Variants in MPPED2 observed in about 807,000 individuals in gnomAD.
The protein encoded by MPPED2 is metallophosphoesterase MPPED2.
In MPPED2, 5 loss-of-function variants were observed where a neutral mutation model predicts 33.0. The ratio of observed to expected loss-of-function variants is 0.15; its 90% CI spans 0.08 to 0.32. The LOEUF is 0.32. Among genes scored for constraint, MPPED2 ranks in the 10% least tolerant of loss-of-function variants. The probability of loss-of-function intolerance (pLI) is 1.00; values close to 1 mark genes in which losing one functional copy is unlikely to be tolerated. For synonymous variants in MPPED2, 136 were observed against 141.9 expected, an observed-to-expected ratio of 0.96 and a Z score of 0.29; for missense variants, 275 against 372.1, an observed-to-expected ratio of 0.74 and a Z score of 2.15.
intron 6 of MPPED2, among the ~76,000 whole-genome samples, chr11:30,391,619 ATGTGTGGAT>A (rs569336428): frequency 6.4e-4 from 97 of 152,324 alleles, no homozygotes; most frequent in Non-Finnish European, 1.1e-3. Context: ...ATATGTGTAC[ATGTGTGGAT>A]TCAATAAGAT....
At chr11:30,406,731 C>T (rs1947995763), downstream of MPPED2, among the ~76,000 whole-genome samples, 13 of 152,286 alleles carry the variant, frequency 8.5e-5, no homozygotes, top group South Asian at 2.7e-3. Context: ...GTCCTGGGGC[C>T]TTCCGTGAAA....
chr11:30,580,288 T>C lies in MPPED2; in HGVS notation c.86A>G (p.Tyr29Cys). The change falls in exon 2 of 7, where the codon TAC (tyrosine) becomes TGC (cysteine). Residue 29 changes from tyrosine (Y) to cysteine (C), a missense_variant. Tyr to Cys is a radical substitution (Grantham distance 194). Coordinates refer to ENST00000358117, the MANE Select transcript of MPPED2 (RefSeq NM_001584.3). ...SSNPTQAFTH[Y>C]NINQSRFQPP... ...CTGGAATCTGCTCTGGTTGATGTTG[T>C]AGTGCGTGAATGCCTGGGTGGGGTT... 6.2e-7 allele frequency: 1 copy of C among 1,614,150 alleles called. No homozygotes were observed.
At chr11:30,517,298 T>C (rs115127942) in intron 3 of MPPED2, among the ~76,000 whole-genome samples, 1,561 of 152,328 alleles carry the variant, frequency 0.01, 26 homozygotes, top group African/African-American at 0.036. Flanking sequence ...ATTTCATTTT[T>C]ATAGCTATTG....
chr11:30,466,478 G>A (rs945243925), intron 4 of MPPED2, among the ~76,000 whole-genome samples: 1 of 152,230 alleles, frequency 6.6e-6, no homozygotes, highest in Admixed American at 6.5e-5. Flanking sequence ...CGGTCCAATG[G>A]TGGGCTGTCC....
intron 6 of MPPED2, among the ~76,000 whole-genome samples, chr11:30,402,353 T>C (rs1165950121): frequency 6.6e-6 from 1 of 152,212 alleles, no homozygotes; most frequent in Non-Finnish European, 1.5e-5. Context: ...ACGTGATTTA[T>C]TTCTTGAGAA....
At chr11:30,420,008 C>T (rs963292714) in intron 4 of MPPED2, among the ~76,000 whole-genome samples, 57 of 152,296 alleles carry the variant, frequency 3.7e-4, no homozygotes, top group Admixed American at 1.4e-3. Context: ...TATATACAAT[C>T]ATTGTATGTA....
In MPPED2 at chr11:30,411,407, A is replaced by C; in HGVS notation, c.*61T>G. The C allele has an allele frequency of 6.5e-7, 1 of 1,537,736 alleles. No homozygotes were observed. The stretch of plus-strand genomic sequence containing the variant: ...TAAATAAGTAAGAGAATGTAAGTTT[A>C]TAATTAGAAAAATGGCAGTTTATAG... On this transcript the variant is annotated 3_prime_UTR_variant, in exon 7 of 7. Coordinates refer to ENST00000358117, the MANE Select transcript of MPPED2 (RefSeq NM_001584.3).
chr11:30,530,581 G>A (rs1426234118), intron 3 of MPPED2, among the ~76,000 whole-genome samples: 2 of 152,190 alleles, frequency 1.3e-5, no homozygotes, highest in Non-Finnish European at 2.9e-5. Context: ...TCCAGGAAGT[G>A]GGAACAGCGT....
At chr11:30,572,462 C>T (rs555457642) in intron 2 of MPPED2, among the ~76,000 whole-genome samples, 1 of 152,028 alleles carries the variant, frequency 6.6e-6, no homozygotes, top group South Asian at 2.1e-4. Flanking sequence ...ATAAAAATAT[C>T]CAGTGTTTAT....
chr11:30,420,864 C>T (rs1948578475), intron 4 of MPPED2, among the ~76,000 whole-genome samples: 2 of 152,094 alleles, frequency 1.3e-5, no homozygotes, highest in South Asian at 4.2e-4. Context: ...CCCATCCTTC[C>T]CCTTTATTTT....
Position 30,485,133 on chromosome 11 carries a change from A to G in MPPED2, c.536+10163T>C, listed in dbSNP as rs116049067. 8.3e-3 allele frequency among the ~76,000 whole-genome samples: 1,270 copies of G among 152,322 alleles called. 14 individuals carry two copies. The highest frequency in any genetic ancestry group is 0.028 in the African/African-American group (1,152 of 41,584). ...CCATGAAAAATATACAGAAGTAGTG[A>G]AGAACATAAAGGCTTTGGAAGCAAA... On this transcript the variant is annotated intron_variant, in intron 4 of 6. Coordinates refer to ENST00000358117, the MANE Select transcript of MPPED2 (RefSeq NM_001584.3).
intron 4 of MPPED2, among the ~76,000 whole-genome samples, chr11:30,434,069 G>A (rs748398662): frequency 8.5e-5 from 13 of 152,166 alleles, no homozygotes; most frequent in Admixed American, 3.3e-4. Flanking sequence ...CCCGGTTGTG[G>A]GGACCCATGT....
chr11:30,522,653 A>G (rs1003886807), intron 3 of MPPED2, among the ~76,000 whole-genome samples: 2 of 152,094 alleles, frequency 1.3e-5, no homozygotes, highest in African/African-American at 2.4e-5. Flanking sequence ...CTTGGGCTCC[A>G]CTCCACTTTC....
intron 3 of MPPED2, among the ~76,000 whole-genome samples, chr11:30,523,106 A>G (rs980789706): frequency 6.6e-6 from 1 of 151,856 alleles, no homozygotes; most frequent in East Asian, 1.9e-4. Context: ...AGCCCTGAAG[A>G]CTTTCACGCA....
At chr11:30,549,185 C>T (rs942720209) in intron 2 of MPPED2, among the ~76,000 whole-genome samples, 4 of 152,208 alleles carry the variant, frequency 2.6e-5, no homozygotes, top group Non-Finnish European at 5.9e-5. Flanking sequence ...AAATAACACA[C>T]AAAGCCAATT....
chr11:30,528,857 A>G (rs892159682), intron 3 of MPPED2, among the ~76,000 whole-genome samples: 3 of 152,234 alleles, frequency 2.0e-5, no homozygotes, highest in Non-Finnish European at 4.4e-5. Flanking sequence ...TGAGAGTATC[A>G]TGGAGAAATT....
intron 2 of MPPED2, among the ~76,000 whole-genome samples, chr11:30,572,703 T>C (rs1005345916): frequency 2.0e-5 from 3 of 152,190 alleles, no homozygotes; most frequent in African/African-American, 7.2e-5. Context: ...AGTGCCATTT[T>C]ACAGAGTCCC....
chr11:30,583,222 A>T (rs1365496082), intron 1 of MPPED2, among the ~76,000 whole-genome samples: 1 of 146,660 alleles, frequency 6.8e-6, no homozygotes, highest in East Asian at 2.0e-4. Flanking sequence ...AACCTGAGAA[A>T]TTTGGAGAGA....
At chr11:30,585,657 C>G (rs1425925391) in intron 1 of MPPED2, among the ~76,000 whole-genome samples, 1 of 152,062 alleles carries the variant, frequency 6.6e-6, no homozygotes, top group East Asian at 1.9e-4. Flanking sequence ...GAAATCCTGG[C>G]GGAGGAGGGA....
Sources: allele counts gnomAD v4.1 joint callset (sites outside exome capture counted in the v4.1 genomes callset), GRCh38; gene constraint gnomAD v4.1.1; transcripts MANE v1.5; gene names NCBI Gene and HGNC (gene_info 2026-07-23, HGNC 2026-07-21).